The following VSTM4 variants were observed in gnomAD, a reference collection of about 807,000 sequenced individuals.
VSTM4 encodes the protein V-set and transmembrane domain containing 4.
Under a neutral mutation model 36.4 loss-of-function variants are expected in VSTM4, and 20 were observed. That is an observed-to-expected ratio of 0.55 (90% confidence interval 0.39 to 0.80). The LOEUF is 0.80. VSTM4 is among the 30% of genes least tolerant of loss of function. The probability of loss-of-function intolerance (pLI) is 0.00; values close to 1 mark genes in which losing one functional copy is unlikely to be tolerated. For synonymous variants in VSTM4, 182 were observed against 173.9 expected, an observed-to-expected ratio of 1.05 and a Z score of -0.37; for missense variants, 392 against 404.5, an observed-to-expected ratio of 0.97 and a Z score of 0.26.
chr10:49,097,790 A>G (rs1410670381), intron 2 of VSTM4, among the ~76,000 whole-genome samples: 1 of 152,234 alleles, frequency 6.6e-6, no homozygotes, highest in East Asian at 1.9e-4. Context: ...ATCTCATTTC[A>G]AAGGTGACCT....
intron 2 of VSTM4, among the ~76,000 whole-genome samples, chr10:49,087,569 C>A (rs990248926): frequency 1.3e-5 from 2 of 152,162 alleles, no homozygotes; most frequent in Admixed American, 6.6e-5. Flanking sequence ...TTTATAGAAT[C>A]CGCTCTATTT....
intron 4 of VSTM4, among the ~76,000 whole-genome samples, chr10:49,071,346 A>G (rs1430788189): frequency 6.6e-6 from 1 of 152,232 alleles, no homozygotes; most frequent in African/African-American, 2.4e-5. Context: ...TGATTGAGGA[A>G]CCAGAAGAAT....
At chr10:49,028,356 T>C (rs1843294480) in intron 7 of VSTM4, among the ~76,000 whole-genome samples, 1 of 152,228 alleles carries the variant, frequency 6.6e-6, no homozygotes, top group Admixed American at 6.5e-5. Context: ...CTGTCTAGCC[T>C]TCTGTTCTGC....
At chr10:49,040,975 C>T (rs544171485) in intron 7 of VSTM4, among the ~76,000 whole-genome samples, 3 of 152,236 alleles carry the variant, frequency 2.0e-5, no homozygotes, top group Admixed American at 1.3e-4. Flanking sequence ...AAATTAGACA[C>T]CTAAATTGGT....
At chr10:49,059,565 G>C (rs531229977) in intron 5 of VSTM4, among the ~76,000 whole-genome samples, 1 of 152,234 alleles carries the variant, frequency 6.6e-6, no homozygotes, top group Non-Finnish European at 1.5e-5. Flanking sequence ...CAAAAGGCCA[G>C]ACAAAAACAT....
At chr10:49,075,064 T>G (rs1391938825) in intron 4 of VSTM4, among the ~76,000 whole-genome samples, 1 of 152,000 alleles carries the variant, frequency 6.6e-6, no homozygotes, top group African/African-American at 2.4e-5. Flanking sequence ...ACAGCTGTGG[T>G]TTGGGGAGGG....
At chr10:49,104,619 G>C (rs1844730918) in intron 2 of VSTM4, among the ~76,000 whole-genome samples, 1 of 152,208 alleles carries the variant, frequency 6.6e-6, no homozygotes, top group Non-Finnish European at 1.5e-5. Flanking sequence ...CTAAGGTTTT[G>C]AATCTTTCCA....
In VSTM4 at chr10:49,064,571, T is replaced by C. The variant is rs1286415191; in HGVS notation, c.668+132A>G. On this transcript the variant is annotated intron_variant, in intron 5 of 7. Coordinates refer to ENST00000332853, the MANE Select transcript of VSTM4 (RefSeq NM_001031746.5). ...ATGCAAATGCATGCAGGATACACAT[T>C]TGCAGGCATATTTGTGGACAAATAT... 3 of 1,033,062 alleles carry C rather than the reference T, an allele frequency of 2.9e-6. No individual in the cohort carries two copies. In the Admixed American group the frequency reaches 6.7e-5, roughly 23 times the overall value. The allele number at this position is 1,033,062 out of a possible 1,614,324, so 64.0% of individuals were successfully genotyped here.
chr10:49,052,016 A>C (rs553167443), intron 5 of VSTM4, among the ~76,000 whole-genome samples: 1 of 152,332 alleles, frequency 6.6e-6, no homozygotes, highest in African/African-American at 2.4e-5. Context: ...CATTTCCCTA[A>C]CATCTAAAGA....
intron 2 of VSTM4, among the ~76,000 whole-genome samples, chr10:49,092,845 A>C (rs1156324982): frequency 1.3e-5 from 2 of 152,166 alleles, no homozygotes; most frequent in Non-Finnish European, 2.9e-5. Flanking sequence ...AACATGGAGC[A>C]GATTATGCCA....
At chr10:49,043,048 A>G (rs2943253) in intron 7 of VSTM4, among the ~76,000 whole-genome samples, 82,277 of 151,698 alleles carry the variant, frequency 0.54, 23,132 homozygotes, top group East Asian at 0.72. Flanking sequence ...AGTGTGGCTG[A>G]AGGGAAATGA....
At chr10:49,064,890 A>G (rs1185528168) in intron 4 of VSTM4, among the ~76,000 whole-genome samples, 154 bp from the exon 5 acceptor site, 2 of 152,242 alleles carry the variant, frequency 1.3e-5, no homozygotes, top group East Asian at 3.8e-4. Flanking sequence ...TGTTTGGAAG[A>G]GCACAGCAGA....
At position 49,107,868 on chromosome 10, in the gene VSTM4, G is replaced by A; in HGVS notation, c.183C>T (p.Arg61=). The stretch of plus-strand genomic sequence containing the variant: ...AGTCGAAGGAGTGTGCAAAGAACCA[G>A]CGCACGGCCAGCAAGCTGTCCTTCC... ...KRRKDSLLAV[R]WFFAHSFDSQ... is the part of the protein sequence containing the mutation. Residue 61 remains arginine, a synonymous_variant, in exon 2 of 8, where the codon CGC becomes CGT. Coordinates refer to ENST00000332853, the MANE Select transcript of VSTM4 (RefSeq NM_001031746.5). 6.2e-7 allele frequency: 1 copy of A among 1,614,232 alleles called. No individual in the cohort carries two copies. The highest frequency in any genetic ancestry group is 8.5e-7 in the Non-Finnish European group (1 of 1,180,036).
rs749577981 is a variant in VSTM4 at position 49,046,991 on chromosome 10, C to A, written c.829G>T (p.Val277Phe). 23 of 1,613,954 alleles carry A rather than the reference C, an allele frequency of 1.4e-5. No homozygotes were observed. Among genetic ancestry groups the A allele is most frequent in the Non-Finnish European group, 1.9e-5 (23 of 1,179,988 alleles). Residue 277 changes from valine to phenylalanine, a missense_variant, in exon 7 of 8, where the codon GTC becomes TTC. Coordinates refer to ENST00000332853, the MANE Select transcript of VSTM4 (RefSeq NM_001031746.5). ...AGAAGACGGTTACTTACCAGCGTGA[C>A]TTTTCTCTGTGGTTTCAGCAGCTTC... ...KPKLLKPQRK[V>F]TLPKIAEENL...
At chr10:49,069,506 G>A (rs1335159078) in intron 4 of VSTM4, among the ~76,000 whole-genome samples, 1 of 152,188 alleles carries the variant, frequency 6.6e-6, no homozygotes, top group Non-Finnish European at 1.5e-5. Flanking sequence ...CCTGCAGCCT[G>A]AGAAAGCACC....
intron 2 of VSTM4, among the ~76,000 whole-genome samples, chr10:49,091,571 C>T (rs1844475181): frequency 6.6e-6 from 1 of 152,196 alleles, no homozygotes; most frequent in South Asian, 2.1e-4. Context: ...AGCCCTAATT[C>T]CTGCCTTGGA....
intron 4 of VSTM4, among the ~76,000 whole-genome samples, chr10:49,065,426 C>T (rs1374927063): frequency 2.6e-5 from 4 of 152,184 alleles, no homozygotes; most frequent in Non-Finnish European, 5.9e-5. Flanking sequence ...CCCATGTGTA[C>T]CCCCTCCCAA....
intron 2 of VSTM4, chr10:49,102,442 T>C: frequency 1.0e-6 from 1 of 985,406 alleles, no homozygotes; most frequent in Non-Finnish European, 1.2e-6. Context: ...CCAACTCTTT[T>C]ATGTATAATA....
chr10:49,106,364 G>A (rs1844782552), intron 2 of VSTM4, among the ~76,000 whole-genome samples: 1 of 152,110 alleles, frequency 6.6e-6, no homozygotes, highest in Non-Finnish European at 1.5e-5. Context: ...CAATTTCAAA[G>A]CAATCAAAGG....
Sources: gnomAD v4.1 joint callset for allele counts (sites outside exome capture counted in the v4.1 genomes callset) on GRCh38, gnomAD v4.1.1 for gene constraint, MANE v1.5 for transcripts, NCBI Gene and HGNC (gene_info 2026-07-23, HGNC 2026-07-21) for gene names.